The following CLMN variants were observed in gnomAD, a reference collection of about 807,000 sequenced individuals.
The protein encoded by CLMN is calmin (calponin-like, transmembrane).
A neutral mutation model predicts 92.7 loss-of-function variants in CLMN; 57 were observed. The observed-to-expected ratio is 0.61, with a 90% confidence interval of 0.50 to 0.77. CLMN has a LOEUF of 0.77. CLMN is among the 30% of genes least tolerant of loss of function. The pLI is 0.00. For synonymous variants in CLMN, 466 were observed against 470.6 expected, an observed-to-expected ratio of 0.99 and a Z score of 0.13; for missense variants, 1,158 against 1,237.5, an observed-to-expected ratio of 0.94 and a Z score of 0.96.
chr14:95,257,001 T>C (rs1899026835), intron 1 of CLMN, among the ~76,000 whole-genome samples: 1 of 152,182 alleles, frequency 6.6e-6, no homozygotes, highest in African/African-American at 2.4e-5. Context: ...CCCACGCTCC[T>C]TGACAGACAG....
At chr14:95,222,879 A>G (rs1897593242) in intron 3 of CLMN, among the ~76,000 whole-genome samples, 1 of 152,164 alleles carries the variant, frequency 6.6e-6, no homozygotes, top group South Asian at 2.1e-4. Context: ...TTGACTTTAG[A>G]CCTACAGTTA....
At chr14:95,222,053 C>G (rs1209569528) in intron 3 of CLMN, among the ~76,000 whole-genome samples, 3 of 152,152 alleles carry the variant, frequency 2.0e-5, no homozygotes, top group Non-Finnish European at 4.4e-5. Flanking sequence ...TGAAGTGGGT[C>G]AGCAAGGGAC....
At chr14:95,305,468 G>C (rs987110635) in intron 1 of CLMN, among the ~76,000 whole-genome samples, 7 of 152,086 alleles carry the variant, frequency 4.6e-5, no homozygotes, top group Non-Finnish European at 1.0e-4. Flanking sequence ...AAATGTGATA[G>C]GTTAAAATAT....
At chr14:95,284,901 T>C (rs1388229616) in intron 1 of CLMN, among the ~76,000 whole-genome samples, 1 of 152,104 alleles carries the variant, frequency 6.6e-6, no homozygotes, top group Non-Finnish European at 1.5e-5. Context: ...TTTTGAAGTG[T>C]GAGAATATGA....
intron 4 of CLMN, 114 bp downstream of exon 4, chr14:95,221,577 A>T (rs1240903079): frequency 5.7e-6 from 5 of 876,140 alleles, no homozygotes; most frequent in Non-Finnish European, 8.9e-6. Context: ...TAATTTGACC[A>T]TTTTAGCTCA....
intron 1 of CLMN, among the ~76,000 whole-genome samples, chr14:95,245,060 A>T (rs1898409920): frequency 7.3e-6 from 1 of 136,094 alleles, no homozygotes; most frequent in Non-Finnish European, 1.6e-5. Flanking sequence ...GGTTCAAGGA[A>T]GGTTAATATC....
At chr14:95,278,163 G>A (rs1213288248) in intron 1 of CLMN, among the ~76,000 whole-genome samples, 1 of 152,130 alleles carries the variant, frequency 6.6e-6, no homozygotes, top group African/African-American at 2.4e-5. Context: ...CCATAGTTAA[G>A]TCATAACCTT....
At chr14:95,314,471 T>C (rs1901677495) in intron 1 of CLMN, among the ~76,000 whole-genome samples, 1 of 152,116 alleles carries the variant, frequency 6.6e-6, no homozygotes, top group Middle Eastern at 3.2e-3. Context: ...GGTGGGCACC[T>C]GCCCAGGCCC....
chr14:95,282,436 A>G (rs781249006), intron 1 of CLMN, among the ~76,000 whole-genome samples: 9 of 152,174 alleles, frequency 5.9e-5, no homozygotes, highest in Non-Finnish European at 1.0e-4. Flanking sequence ...CTGGGGGGCG[A>G]CATAGGAAGG....
At chr14:95,263,416 C>A (rs1334157988) in intron 1 of CLMN, among the ~76,000 whole-genome samples, 1 of 152,140 alleles carries the variant, frequency 6.6e-6, no homozygotes, top group Non-Finnish European at 1.5e-5. Context: ...AAGATGAGAT[C>A]TGGGTGGGGA....
At chr14:95,268,792 CTCTTT>C (rs1436378054) in intron 1 of CLMN, among the ~76,000 whole-genome samples, 3 of 103,842 alleles carry the variant, frequency 2.9e-5, no homozygotes, top group Non-Finnish European at 4.0e-5. Flanking sequence ...CTCTCTCTCT[CTCTTT>C]TTTTTTTTTT....
In CLMN at chr14:95,188,601, A is replaced by T. The variant is rs1281637370; in HGVS notation, c.*2963T>A. 2 of 152,146 alleles carry T rather than the reference A, an allele frequency of 1.3e-5. No homozygotes were observed. Among genetic ancestry groups the T allele is most frequent in the Non-Finnish European group, 2.9e-5 (2 of 68,028 alleles). The allele number at this position is 152,146 out of a possible 1,614,324, so 9.4% of individuals were successfully genotyped here. On this transcript the variant is annotated 3_prime_UTR_variant, in exon 13 of 13. Transcript: ENST00000298912. The stretch of plus-strand genomic sequence containing the variant: ...AATAATAGGTGGTCCAGAAAGAAAG[A>T]ATGTAAATAATCACAAGAAAATTTA...
chr14:95,319,770 C>T lies in CLMN; in HGVS notation c.23G>A (p.Trp8Ter). 6.3e-7 allele frequency: 1 copy of T among 1,594,016 alleles called. No individual in the cohort carries two copies. The change falls in exon 1 of 13, where the codon TGG becomes TAG. Residue 8 changes from tryptophan (W) to a stop codon, truncating the protein, a stop_gained. Transcript: ENST00000298912. LOFTEE classifies it high-confidence loss of function. MAAHEWD[W>*]FQREELIGQI... ...CCCGATGAGCTCCTCGCGTTGGAAC[C>T]AGTCCCACTCGTGTGCAGCCATGAA...
chr14:95,255,474 A>G (rs1898960374), intron 1 of CLMN, among the ~76,000 whole-genome samples: 1 of 152,152 alleles, frequency 6.6e-6, no homozygotes, highest in Non-Finnish European at 1.5e-5. Context: ...TATAAATTGA[A>G]CTTTATCATA....
Position 95,242,574 on chromosome 14 carries a change from C to CTTTCTTTTT in CLMN, c.83-12442_83-12441insAAAAAGAAA, listed in dbSNP as rs749024477. On this transcript the variant is annotated intron_variant, in intron 1 of 12. Transcript: ENST00000298912. ...CATGCCCAGCCTGGCATCTCTTTTTCTTTTTTTTTGAGACGGAGTCTCGCT... is the reference window on the plus strand; with the variant it reads ...CATGCCCAGCCTGGCATCTCTTTTTCTTTCTTTTTTTTTTTTTTGAGACGGAGTCTCGCT... Among the ~76,000 whole-genome samples, 2 of 119,856 alleles carry CTTTCTTTTT rather than the reference C, an allele frequency of 1.7e-5. 1 individual carries two copies. The highest frequency in any genetic ancestry group is 3.6e-5 in the Non-Finnish European group (2 of 55,754). The allele number at this position is 119,856 out of a possible 152,430, so 78.6% of individuals were successfully genotyped here. A position where few individuals can be genotyped will look rare whatever the true frequency, so the allele number is the denominator to read the frequency against.
intron 1 of CLMN, among the ~76,000 whole-genome samples, chr14:95,302,036 G>C (rs182578532): frequency 1.3e-5 from 2 of 152,288 alleles, no homozygotes; most frequent in Admixed American, 1.3e-4. Flanking sequence ...CTGGACAACA[G>C]GGCAAGACCC....
chr14:95,206,425 TA>T (rs1897048703), intron 8 of CLMN, among the ~76,000 whole-genome samples: 1 of 152,328 alleles, frequency 6.6e-6, no homozygotes, highest in East Asian at 1.9e-4. Context: ...AACAGCATAT[TA>T]AAGAATACCA....
Position 95,215,661 on chromosome 14 carries a change from T to G in CLMN, c.397A>C (p.Asn133His), listed in dbSNP as rs761527582. ...NPSLVLGLIWNIILFFQIKEL... is the reference protein window; with the variant it reads ...NPSLVLGLIWHIILFFQIKEL... ...CTTACCTGGAAGAAGAGGATTATGTTCCATATCAGCCCAAGAACCAAAGAA... is the reference window on the plus strand; with the variant it reads ...CTTACCTGGAAGAAGAGGATTATGTGCCATATCAGCCCAAGAACCAAAGAA... The change falls in exon 5 of 13, where the codon AAC becomes CAC. Residue 133 changes from asparagine to histidine, a missense_variant. Transcript: ENST00000298912. The G allele has an allele frequency of 6.2e-7, 1 of 1,614,068 alleles. No individual in the cohort carries two copies. The highest frequency in any genetic ancestry group is 8.5e-7 in the Non-Finnish European group (1 of 1,179,898).
intron 1 of CLMN, among the ~76,000 whole-genome samples, chr14:95,301,991 C>T (rs1241741124): frequency 6.6e-6 from 1 of 152,196 alleles, no homozygotes; most frequent in African/African-American, 2.4e-5. Flanking sequence ...TGGGCCACCA[C>T]AACACTGAGC....
Sources: gnomAD v4.1 joint callset for allele counts (sites outside exome capture counted in the v4.1 genomes callset) on GRCh38, gnomAD v4.1.1 for gene constraint, MANE v1.5 for transcripts, NCBI Gene and HGNC (gene_info 2026-07-23, HGNC 2026-07-21) for gene names.